The following BTRC variants were observed in gnomAD, a reference collection of about 807,000 sequenced individuals.
BTRC encodes beta-transducin repeat containing E3 ubiquitin protein ligase, also known as F-box/WD repeat-containing protein 1A.
In BTRC, 42 loss-of-function variants were observed where a neutral mutation model predicts 85.5. The ratio of observed to expected loss-of-function variants is 0.49; its 90% CI spans 0.38 to 0.64. The LOEUF is 0.64. Ranked by LOEUF, BTRC falls within the 30% of genes least tolerant of loss-of-function variation. The pLI, the probability that BTRC is intolerant of heterozygous loss-of-function variation, is 0.00. For synonymous variants in BTRC, 255 were observed against 263.3 expected, an observed-to-expected ratio of 0.97 and a Z score of 0.30; for missense variants, 594 against 743.5, an observed-to-expected ratio of 0.80 and a Z score of 2.34.
chr10:101,542,305 T>G (rs2062480609), intron 13 of BTRC, among the ~76,000 whole-genome samples: 1 of 152,152 alleles, frequency 6.6e-6, no homozygotes, highest in Admixed American at 6.5e-5. Flanking sequence ...TCTAGCTTCT[T>G]AAGGTAGAAA....
intron 4 of BTRC, among the ~76,000 whole-genome samples, chr10:101,508,913 TAAAAAAAAAA>T (rs59998718): frequency 4.9e-5 from 5 of 101,932 alleles, no homozygotes; most frequent in Middle Eastern, 5.7e-3. Flanking sequence ...GACTCCATCT[TAAAAAAAAAA>T]AAAAAAAAAA....
intron 2 of BTRC, among the ~76,000 whole-genome samples, chr10:101,435,827 A>T (rs1293445867): frequency 6.6e-6 from 1 of 152,148 alleles, no homozygotes; most frequent in Non-Finnish European, 1.5e-5. Context: ...ATATTGACAA[A>T]TATGTTAATG....
chr10:101,526,694 C>T (rs187591634), intron 6 of BTRC, among the ~76,000 whole-genome samples: 2 of 152,282 alleles, frequency 1.3e-5, no homozygotes, highest in East Asian at 1.9e-4. Context: ...GCAGGAGAAT[C>T]GCATGAACCC....
chr10:101,389,527 T>C (rs1943182648), intron 1 of BTRC, among the ~76,000 whole-genome samples: 1 of 151,946 alleles, frequency 6.6e-6, no homozygotes, highest in Non-Finnish European at 1.5e-5. Context: ...GCTGGTCCTT[T>C]CCCACCTATG....
At chr10:101,500,959 C>T (rs1946384914) in intron 4 of BTRC, among the ~76,000 whole-genome samples, 1 of 152,076 alleles carries the variant, frequency 6.6e-6, no homozygotes, top group Admixed American at 6.6e-5. Context: ...TTTGGGAGGC[C>T]AAGGCAGGTG....
intron 13 of BTRC, among the ~76,000 whole-genome samples, chr10:101,541,362 C>T (rs2062465682): frequency 6.6e-6 from 1 of 152,074 alleles, no homozygotes; most frequent in Non-Finnish European, 1.5e-5. Context: ...TGGGTTCACG[C>T]CATTCTCCTG....
At chr10:101,442,463 C>G (rs2134115604) in intron 2 of BTRC, among the ~76,000 whole-genome samples, 1 of 152,054 alleles carries the variant, frequency 6.6e-6, no homozygotes, top group East Asian at 1.9e-4. Context: ...CAGTCTAACC[C>G]CATCCAGTTT....
chr10:101,425,016 G>C (rs1944212327), intron 1 of BTRC, among the ~76,000 whole-genome samples: 1 of 151,988 alleles, frequency 6.6e-6, no homozygotes, highest in Non-Finnish European at 1.5e-5. Context: ...GTGTACTCAA[G>C]GTTTTGTTCC....
intron 13 of BTRC, among the ~76,000 whole-genome samples, chr10:101,546,663 G>C (rs558262917): frequency 5.9e-5 from 9 of 152,070 alleles, no homozygotes; most frequent in Non-Finnish European, 1.3e-4. Flanking sequence ...TTCAAAGTAA[G>C]TAGAAGAAAA....
chr10:101,436,982 A>G (rs1944548969), intron 2 of BTRC, among the ~76,000 whole-genome samples: 2 of 152,242 alleles, frequency 1.3e-5, no homozygotes, highest in South Asian at 2.1e-4. Context: ...AATTGAATAT[A>G]CATTAACATT....
intron 4 of BTRC, among the ~76,000 whole-genome samples, chr10:101,496,021 T>TC (rs1946250980): frequency 6.8e-6 from 1 of 147,786 alleles, no homozygotes; most frequent in Non-Finnish European, 1.5e-5. Context: ...TTTTTTTTTT[T>TC]ACTGTCTGAA....
At position 101,373,346 on chromosome 10, in the gene BTRC, G is replaced by A. The variant is rs967207387; in HGVS notation, c.48+19118G>A. On this transcript the variant is annotated intron_variant, in intron 1 of 14. Transcript: ENST00000370187. The stretch of plus-strand genomic sequence containing the variant: ...CCATTTAAAGTATGTAATAGTCTAC[G>A]CAAGAGACTGGGCTTGAGCTAGGGC... Among the ~76,000 whole-genome samples the A allele has an allele frequency of 4.6e-5, 7 of 152,284 alleles. No individual in the cohort carries two copies. In the East Asian group the frequency reaches 7.7e-4, roughly 17 times the overall value.
intron 1 of BTRC, among the ~76,000 whole-genome samples, chr10:101,375,779 C>T (rs945841102): frequency 2.6e-5 from 4 of 152,184 alleles, no homozygotes; most frequent in Non-Finnish European, 5.9e-5. Context: ...AGTACAGATT[C>T]TTAGTTCTTT....
chr10:101,467,695 G>T (rs1945417296), intron 3 of BTRC, among the ~76,000 whole-genome samples: 1 of 151,172 alleles, frequency 6.6e-6, no homozygotes, highest in Non-Finnish European at 1.5e-5. Flanking sequence ...TGGGCTTTGG[G>T]TAAAAAAAAA....
At chr10:101,375,990 C>T (rs567222858) in intron 1 of BTRC, among the ~76,000 whole-genome samples, 2 of 152,268 alleles carry the variant, frequency 1.3e-5, no homozygotes, top group South Asian at 2.1e-4. Context: ...AGGCCTTGTA[C>T]TTGGGAAACA....
chr10:101,532,254 G>C, intron 7 of BTRC, 41 bp from the exon 8 acceptor site: 2 of 1,576,242 alleles, frequency 1.3e-6, no homozygotes, highest in Non-Finnish European at 1.7e-6. Context: ...TTGATTCTAG[G>C]TGTTTCCTAA....
At chr10:101,359,367 T>C (rs888272167) in intron 1 of BTRC, among the ~76,000 whole-genome samples, 15 of 152,294 alleles carry the variant, frequency 9.8e-5, no homozygotes, top group Middle Eastern at 3.4e-3. Flanking sequence ...ACAGTTTGTT[T>C]TCTGGGTACT....
chr10:101,527,206 G>T (rs1217856151), intron 6 of BTRC, among the ~76,000 whole-genome samples: 2 of 152,154 alleles, frequency 1.3e-5, no homozygotes, highest in Non-Finnish European at 2.9e-5. Flanking sequence ...ACAGTTAAAA[G>T]TAGAGAACAC....
intron 3 of BTRC, among the ~76,000 whole-genome samples, chr10:101,469,471 A>G (rs1945464883): frequency 6.6e-6 from 1 of 152,116 alleles, no homozygotes; most frequent in Non-Finnish European, 1.5e-5. Context: ...GTTATTACAT[A>G]TTCATTCATG....
Sources: gnomAD v4.1 joint callset for allele counts (sites outside exome capture counted in the v4.1 genomes callset) on GRCh38, gnomAD v4.1.1 for gene constraint, MANE v1.5 for transcripts, NCBI Gene and HGNC (gene_info 2026-07-23, HGNC 2026-07-21) for gene names.